Variants in RBFOX1 observed in about 807,000 individuals in gnomAD.
RBFOX1 encodes the protein RNA binding protein fox-1 homolog 1.
In RBFOX1, 8 loss-of-function variants were observed where a neutral mutation model predicts 57.7. That is an observed-to-expected ratio of 0.14 (90% CI 0.08 to 0.25). The LOEUF (loss-of-function observed/expected upper bound fraction) is 0.25, where lower values mean the gene tolerates loss of function less well. Ranked by LOEUF, RBFOX1 falls within the 10% of genes least tolerant of loss-of-function variation. The probability of loss-of-function intolerance (pLI) is 1.00; values close to 1 mark genes in which losing one functional copy is unlikely to be tolerated. For missense variants in RBFOX1, 611 were observed against 548.5 expected (o/e 1.11, Z -1.14); for synonymous variants, 326 against 222.4 (o/e 1.47, Z -4.15).
intron 1 of RBFOX1, among the ~76,000 whole-genome samples, chr16:6,231,187 G>C (rs2097456417): frequency 2.0e-5 from 3 of 150,996 alleles, no homozygotes; most frequent in African/African-American, 4.9e-5. Flanking sequence ...GGCTGTTTTA[G>C]AGATAGAGGG....
chr16:6,445,901 T>G (rs1034993456), intron 2 of RBFOX1, among the ~76,000 whole-genome samples: 1 of 151,958 alleles, frequency 6.6e-6, no homozygotes. Flanking sequence ...TCTTTAAAGG[T>G]GAGGCTCATT....
chr16:7,627,490 C>A (rs1436291049), intron 10 of RBFOX1, among the ~76,000 whole-genome samples: 1 of 152,138 alleles, frequency 6.6e-6, no homozygotes, highest in Admixed American at 6.5e-5. Context: ...TCATGTGATA[C>A]AAATGAAGGT....
chr16:5,618,663 T>C (rs1179557375), intron 3 of RBFOX1, among the ~76,000 whole-genome samples: 2 of 152,210 alleles, frequency 1.3e-5, no homozygotes, highest in Admixed American at 1.3e-4. Context: ...ACGTAAGTTA[T>C]ACCTCAAAAA....
intron 1 of RBFOX1, among the ~76,000 whole-genome samples, chr16:6,183,042 C>T (rs1431441610): frequency 6.6e-6 from 1 of 152,206 alleles, no homozygotes; most frequent in Non-Finnish European, 1.5e-5. Context: ...TACTAAGTTC[C>T]AGGCAGTCTT....
intron 3 of RBFOX1, among the ~76,000 whole-genome samples, chr16:6,823,150 C>A (rs1333781792): frequency 6.6e-6 from 1 of 152,132 alleles, no homozygotes; most frequent in Non-Finnish European, 1.5e-5. Flanking sequence ...GAAGCCAGGA[C>A]CATCTCAGCC....
chr16:6,839,889 C>T (rs1603630921), intron 3 of RBFOX1, among the ~76,000 whole-genome samples: 1 of 152,200 alleles, frequency 6.6e-6, no homozygotes, highest in East Asian at 1.9e-4. Context: ...CCATCCCATT[C>T]TCTCGATTTC....
At chr16:6,633,303 G>T (rs1439654493) in intron 2 of RBFOX1, among the ~76,000 whole-genome samples, 1 of 152,082 alleles carries the variant, frequency 6.6e-6, no homozygotes, top group Non-Finnish European at 1.5e-5. Flanking sequence ...TTGAGACAGA[G>T]TGTCACTCTT....
chr16:5,316,192 A>C (rs1725270428), intron 1 of RBFOX1, among the ~76,000 whole-genome samples: 1 of 152,166 alleles, frequency 6.6e-6, no homozygotes, highest in Non-Finnish European at 1.5e-5. Context: ...TTCATTCTTC[A>C]CATCTCTAAT....
intron 2 of RBFOX1, among the ~76,000 whole-genome samples, chr16:6,500,111 A>G (rs2095870414): frequency 6.6e-6 from 1 of 152,220 alleles, no homozygotes; most frequent in Non-Finnish European, 1.5e-5. Flanking sequence ...TGAAGGAGCC[A>G]TTCTTGAAAG....
intron 3 of RBFOX1, among the ~76,000 whole-genome samples, chr16:6,860,134 C>G (rs149513511): frequency 2.6e-4 from 39 of 152,252 alleles, no homozygotes; most frequent in African/African-American, 9.1e-4. Flanking sequence ...TAGCTGTTCA[C>G]TGCTTTCCTG....
chr16:7,569,405 T>C (rs2092530698), intron 5 of RBFOX1, among the ~76,000 whole-genome samples: 1 of 152,118 alleles, frequency 6.6e-6, no homozygotes, highest in South Asian at 2.1e-4. Context: ...CCTTTCCCCA[T>C]CTTCAAAATC....
intron 2 of RBFOX1, among the ~76,000 whole-genome samples, chr16:6,380,421 TTTTTTTTTTTTTTTTTTTTTTTTTTA>T: frequency 1.1e-5 from 1 of 88,866 alleles, no homozygotes. Context: ...TTTTTTTTTT[TTTTTTTTTTTTTTTTTTTTTTTTTTA>T]GTAGAACTCA....
rs1473275624 is a variant in RBFOX1 at position 6,554,774 on chromosome 16, G to A, written c.-63-99829G>A. On this transcript the variant is annotated intron_variant, in intron 2 of 15. Transcript: ENST00000550418. Reference sequence around the variant, plus strand: ...CACACACACAGACACACACACAAAGGTACACAGACACACACACAGACACAC... The same window carrying A: ...CACACACACAGACACACACACAAAGATACACAGACACACACACAGACACAC... Among the ~76,000 whole-genome samples, 5 of 148,150 alleles carry A rather than the reference G, an allele frequency of 3.4e-5. No homozygotes were observed. The East Asian group carries it at 5.9e-4, about 18-fold the overall frequency.
At chr16:5,306,287 G>T (rs889979387) in intron 1 of RBFOX1, among the ~76,000 whole-genome samples, 1 of 151,806 alleles carries the variant, frequency 6.6e-6, no homozygotes, top group South Asian at 2.1e-4. Context: ...TAATATTCCA[G>T]ATACTCCCTT....
intron 4 of RBFOX1, among the ~76,000 whole-genome samples, chr16:7,448,122 A>T (rs1305427419): frequency 1.3e-5 from 2 of 152,250 alleles, no homozygotes; most frequent in Non-Finnish European, 2.9e-5. Flanking sequence ...TCAAAGGATG[A>T]ATGGCAGCTG....
intron 3 of RBFOX1, among the ~76,000 whole-genome samples, chr16:6,815,869 G>A (rs1476336226): frequency 2.0e-5 from 3 of 152,206 alleles, no homozygotes; most frequent in Non-Finnish European, 4.4e-5. Flanking sequence ...CAGTCTGTTT[G>A]AATGGGTATA....
intron 3 of RBFOX1, among the ~76,000 whole-genome samples, chr16:6,978,458 A>G (rs1041768798): frequency 6.6e-6 from 1 of 152,124 alleles, no homozygotes; most frequent in African/African-American, 2.4e-5. Flanking sequence ...GTGCATATTT[A>G]CTTATTACGT....
Position 6,835,524 on chromosome 16 carries a change from G to A in RBFOX1, c.-16+180874G>A, listed in dbSNP as rs545781865. Among the ~76,000 whole-genome samples, 47 of 151,990 alleles carry A rather than the reference G, an allele frequency of 3.1e-4. No homozygotes were observed. The South Asian group carries it at 5.6e-3, about 18-fold the overall frequency. On this transcript the variant is annotated intron_variant, in intron 3 of 15. Transcript: ENST00000550418. ...CCCAGCACTTTGGGAGTCCAAGGTG[G>A]GAAGATCACTTGAGGCCAGGAGTTT...
chr16:6,931,342 C>CTATCTCT (rs1567942388), intron 3 of RBFOX1, among the ~76,000 whole-genome samples: 2 of 110,268 alleles, frequency 1.8e-5, no homozygotes, highest in Non-Finnish European at 4.2e-5. Context: ...TCTATCTCTA[C>CTATCTCT]ACACACACAC....
Sources: allele counts gnomAD v4.1 joint callset (sites outside exome capture counted in the v4.1 genomes callset), GRCh38; gene constraint gnomAD v4.1.1; transcripts MANE v1.5; gene names NCBI Gene and HGNC (gene_info 2026-07-23, HGNC 2026-07-21).